The following CA5A variants were observed in gnomAD, a reference collection of about 807,000 sequenced individuals.
CA5A encodes the protein carbonic anhydrase 5A, also known as carbonic anhydrase 5A, mitochondrial.
Under a neutral mutation model 37.1 loss-of-function variants are expected in CA5A, and 28 were observed. The ratio of observed to expected loss-of-function variants is 0.75; its 90% CI spans 0.56 to 1.03. The LOEUF is 1.03. Ranked by LOEUF, CA5A falls within the 50% of genes least tolerant of loss-of-function variation. The pLI is 0.00. For synonymous variants in CA5A, 171 were observed against 158.4 expected (o/e 1.08, Z -0.60); for missense variants, 444 against 399.9 (o/e 1.11, Z -0.94).
At chr16:87,884,006 C>T (rs1168690844), downstream of CA5A, 1 of 151,948 alleles carries the variant, frequency 6.6e-6, no homozygotes, top group Non-Finnish European at 1.5e-5. Flanking sequence ...AACAGATTAG[C>T]ATCTGCTTAT....
Position 87,913,305 on chromosome 16 carries a change from C to CTTT in CA5A, c.341-8404_341-8402dup, listed in dbSNP as rs56257660. Among the ~76,000 whole-genome samples, 12 of 133,332 alleles carry CTTT rather than the reference C, an allele frequency of 9.0e-5. 2 individuals carry two copies. The highest frequency in any genetic ancestry group is 2.2e-4 in the East Asian group (1 of 4,618). 87.5% of individuals were successfully genotyped at this position (133,332 alleles called of 152,430 possible). Reference sequence around the variant, plus strand: ...ATCAACAGGTTTTGAATGTTCCAGTCTTTTTTTTTTTTTTGAGTCAGGGGT... The same window carrying CTTT: ...ATCAACAGGTTTTGAATGTTCCAGTCTTTTTTTTTTTTTTTTTGAGTCAGGGGT... On this transcript the variant is annotated intron_variant, in intron 2 of 6. Transcript: ENST00000649794.
intron 2 of CA5A, among the ~76,000 whole-genome samples, chr16:87,913,867 G>A (rs1457008486): frequency 6.6e-6 from 1 of 152,202 alleles, no homozygotes; most frequent in Non-Finnish European, 1.5e-5. Context: ...GCCGTGTGTA[G>A]TGGCCCAAGG....
chr16:87,934,396 C>T (rs1334948418), intron 1 of CA5A, among the ~76,000 whole-genome samples: 1 of 152,174 alleles, frequency 6.6e-6, no homozygotes, highest in Non-Finnish European at 1.5e-5. Context: ...TGGAGAATCC[C>T]TGTATCTACT....
At chr16:87,898,991 T>C (rs544537529) in intron 5 of CA5A, among the ~76,000 whole-genome samples, 7 of 152,186 alleles carry the variant, frequency 4.6e-5, no homozygotes, top group African/African-American at 1.4e-4. Flanking sequence ...CACCTCAGTC[T>C]CCCTAAGTGC....
chr16:87,928,946 T>C (rs1448607583), intron 1 of CA5A, among the ~76,000 whole-genome samples: 1 of 150,582 alleles, frequency 6.6e-6, no homozygotes, highest in East Asian at 2.0e-4. Flanking sequence ...TTTTTGTATT[T>C]TTTTCATAGA....
chr16:87,918,056 G>A (rs73239067), intron 2 of CA5A, among the ~76,000 whole-genome samples: 31,781 of 152,172 alleles, frequency 0.21, 3,739 homozygotes, highest in South Asian at 0.33. Context: ...TGGAGCTGCC[G>A]ATTTGTGCCC....
At chr16:87,919,022 T>C (rs1415971757) in intron 2 of CA5A, among the ~76,000 whole-genome samples, 1 of 152,186 alleles carries the variant, frequency 6.6e-6, no homozygotes, top group Non-Finnish European at 1.5e-5. Flanking sequence ...AAAGGAGGGA[T>C]GACCCAGCTC....
intron 5 of CA5A, among the ~76,000 whole-genome samples, chr16:87,897,146 T>A (rs2055814918): frequency 6.6e-6 from 1 of 152,224 alleles, no homozygotes. Context: ...CTGCCAAAGC[T>A]AGAAGAGCCC....
chr16:87,930,328 C>G (rs2056384877), intron 1 of CA5A, among the ~76,000 whole-genome samples: 1 of 152,232 alleles, frequency 6.6e-6, no homozygotes, highest in African/African-American at 2.4e-5. Context: ...AGACATCCAG[C>G]AAGCTCGCTG....
intron 1 of CA5A, among the ~76,000 whole-genome samples, chr16:87,931,537 C>T (rs1232059453): frequency 6.6e-6 from 1 of 152,204 alleles, no homozygotes; most frequent in African/African-American, 2.4e-5. Flanking sequence ...CACCTTCTCC[C>T]AGTCTCAGTT....
chr16:87,932,912 A>C (rs1327554393), intron 1 of CA5A, among the ~76,000 whole-genome samples: 1 of 152,190 alleles, frequency 6.6e-6, no homozygotes, highest in Admixed American at 6.5e-5. Flanking sequence ...GACCACTGGG[A>C]CATTAGCAGA....
Position 87,936,421 on chromosome 16 carries a change from T to C in CA5A, c.30A>G (p.Ser10=), listed in dbSNP as rs564106451. 8.1e-6 allele frequency: 13 copies of C among 1,614,064 alleles called. No individual in the cohort carries two copies. The highest frequency in any genetic ancestry group is 1.7e-5 in the Admixed American group (1 of 60,012). MLGRNTWKT[S]AFSFLVEQMW... is the part of the protein sequence containing the mutation. ...TCTGCTCAACCAAGAAGGAGAAAGC[T>C]GAGGTCTTCCAAGTGTTCCTCCCCA... The change falls in exon 1 of 7, where the codon TCA becomes TCG. Residue 10 remains serine (S), a synonymous_variant. Transcript: ENST00000649794.
Position 87,926,796 on chromosome 16 carries a change from T to G in CA5A, c.292A>C (p.Thr98Pro). Residue 98 changes from threonine to proline, a missense_variant, in exon 2 of 7, where the codon ACT (threonine) becomes CCT (proline). Coordinates refer to ENST00000649794, the MANE Select transcript of CA5A (RefSeq NM_001739.2). ...AATTCCACCTGGAAGAGGTAGCCAGTGTTCCAGATGTACAGGCAGGATGCC... is the reference window on the plus strand; with the variant it reads ...AATTCCACCTGGAAGAGGTAGCCAGGGTTCCAGATGTACAGGCAGGATGCC... ...EAASCLYIWN[T>P]GYLFQVEFDD... 6.2e-7 allele frequency: 1 copy of G among 1,614,202 alleles called. No individual in the cohort carries two copies. The highest frequency in any genetic ancestry group is 1.3e-5 in the African/African-American group (1 of 75,074).
chr16:87,928,105 G>A (rs1380198052), intron 1 of CA5A, among the ~76,000 whole-genome samples: 1 of 152,108 alleles, frequency 6.6e-6, no homozygotes, highest in South Asian at 2.1e-4. Flanking sequence ...GAGGCCTGGC[G>A]TGTCCTGTGG....
intron 2 of CA5A, among the ~76,000 whole-genome samples, chr16:87,917,219 A>T (rs1188106676): frequency 2.0e-5 from 3 of 152,070 alleles, no homozygotes; most frequent in Admixed American, 2.0e-4. Flanking sequence ...ACATGATCGC[A>T]CCCCTGGTCA....
chr16:87,925,972 C>G (rs1359541007), intron 2 of CA5A, among the ~76,000 whole-genome samples: 1 of 152,188 alleles, frequency 6.6e-6, no homozygotes, highest in African/African-American at 2.4e-5. Context: ...CCTGTAACCC[C>G]AGCACTTTGG....
chr16:87,911,354 C>T lies in CA5A; in HGVS notation c.341-6450G>A, dbSNP rs927297213. On this transcript the variant is annotated intron_variant, in intron 2 of 6. Transcript: ENST00000649794. This position sits in a 1 kb window ranked among gnomAD's most constrained non-coding sequence, Gnocchi z 4.6. ...GTTTGGGGCCGGCTCCAGGCTGTGA[C>T]GTGCTGGCCCCAGAGAATATTGTCT... 6.6e-5 allele frequency among the ~76,000 whole-genome samples: 10 copies of T among 152,154 alleles called. No homozygotes were observed. The highest frequency in any genetic ancestry group is 1.9e-4 in the East Asian group (1 of 5,196).
At chr16:87,887,750 G>C (rs1348821871), downstream of CA5A, 1 of 173,752 alleles carries the variant, frequency 5.8e-6, no homozygotes, top group Admixed American at 5.6e-5. Flanking sequence ...GGAAAGGCAA[G>C]GAAAAAGATC....
chr16:87,894,585 A>C (rs1361665779), intron 5 of CA5A, among the ~76,000 whole-genome samples: 3 of 152,134 alleles, frequency 2.0e-5, no homozygotes, highest in Non-Finnish European at 4.4e-5. Flanking sequence ...AAAAAAAAAA[A>C]ACAGCATTAT....
Sources: allele counts gnomAD v4.1 joint callset (sites outside exome capture counted in the v4.1 genomes callset), GRCh38; gene constraint gnomAD v4.1.1; non-coding constraint Gnocchi (gnomAD v3.1); transcripts MANE v1.5; gene names NCBI Gene and HGNC (gene_info 2026-07-23, HGNC 2026-07-21).